The following CRACDL variants were observed in gnomAD, a reference collection of about 807,000 sequenced individuals.
CRACDL encodes the protein CRACD like.
A neutral mutation model predicts 70.6 loss-of-function variants in CRACDL; 26 were observed. That is an observed-to-expected ratio of 0.37 (90% CI 0.27 to 0.51). The LOEUF (loss-of-function observed/expected upper bound fraction) is 0.51. Among genes scored for constraint, CRACDL ranks in the 20% least tolerant of loss-of-function variants. CRACDL has a pLI of 0.94. For missense variants in CRACDL, 1,283 were observed against 1,376.9 expected (o/e 0.93, Z 1.08); for synonymous variants, 618 against 615.2 (o/e 1.00, Z -0.07).
At chr2:98,911,730 T>C (rs1450416290) in intron 1 of CRACDL, among the ~76,000 whole-genome samples, 1 of 152,048 alleles carries the variant, frequency 6.6e-6, no homozygotes, top group Non-Finnish European at 1.5e-5. Context: ...GCAGAAACCA[T>C]CTGGCTTAGC....
At position 98,901,569 on chromosome 2, in the gene CRACDL, T is replaced by G. The variant is rs370466803; in HGVS notation, c.-11+34369A>C. Among the ~76,000 whole-genome samples the G allele has an allele frequency of 2.2e-4, 33 of 152,332 alleles. No homozygotes were observed. In the South Asian group the frequency reaches 6.8e-3, roughly 32 times the overall value. ...AGCCCACAGGGCACCTTATCCTGGA[T>G]GTGTGACGGGATCTCACACAAAAAT... is the stretch of plus-strand genomic sequence containing the variant. On this transcript the variant is annotated intron_variant, in intron 1 of 9. Coordinates refer to ENST00000397899, the MANE Select transcript of CRACDL (RefSeq NM_207362.3).
rs137954636 is a variant in CRACDL, at chr2:98,892,988, G to C, written c.-11+42950C>G. On this transcript the variant is annotated intron_variant, in intron 1 of 9. Coordinates refer to ENST00000397899, the MANE Select transcript of CRACDL (RefSeq NM_207362.3). The stretch of plus-strand genomic sequence containing the variant: ...CCTGGGCCTGGCCTCTCCACCGCCA[G>C]CTCACAAATCCCTGGCCGGCTCCCG... 4.5e-3 allele frequency among the ~76,000 whole-genome samples: 685 copies of C among 152,286 alleles called. 2 individuals carry two copies. In the Middle Eastern group the frequency reaches 0.078, roughly 17 times the overall value.
chr2:98,828,072 A>T (rs1368870450), intron 5 of CRACDL, among the ~76,000 whole-genome samples: 1 of 152,236 alleles, frequency 6.6e-6, no homozygotes, highest in Non-Finnish European at 1.5e-5. Flanking sequence ...AGCAAATGGC[A>T]AACATGTCAC....
chr2:98,892,420 G>A (rs55816258), intron 1 of CRACDL, among the ~76,000 whole-genome samples: 1 of 152,026 alleles, frequency 6.6e-6, no homozygotes, highest in South Asian at 2.1e-4. Flanking sequence ...GCCAGGCGTA[G>A]TGGCTCACAC....
chr2:98,831,200 G>A (rs1040926561), intron 5 of CRACDL, among the ~76,000 whole-genome samples: 2 of 152,108 alleles, frequency 1.3e-5, no homozygotes, highest in African/African-American at 4.8e-5. Flanking sequence ...GGACAGCTTC[G>A]CCCCAGAGCA....
At chr2:98,875,629 G>T (rs1035479175) in intron 1 of CRACDL, among the ~76,000 whole-genome samples, 1 of 152,216 alleles carries the variant, frequency 6.6e-6, no homozygotes, top group Non-Finnish European at 1.5e-5. Flanking sequence ...CCGCACTCAG[G>T]ATCCTTGTGG....
At chr2:98,897,973 C>T (rs1002165167) in intron 1 of CRACDL, among the ~76,000 whole-genome samples, 2 of 152,230 alleles carry the variant, frequency 1.3e-5, no homozygotes, top group East Asian at 3.8e-4. Context: ...CTGATGCTCC[C>T]CAAGCTTTCG....
intron 7 of CRACDL, among the ~76,000 whole-genome samples, chr2:98,810,598 A>T (rs961554111): frequency 3.3e-5 from 5 of 152,156 alleles, no homozygotes; most frequent in African/African-American, 9.7e-5. Flanking sequence ...GGCATTTTTC[A>T]TCCATCAGAC....
intron 7 of CRACDL, among the ~76,000 whole-genome samples, chr2:98,817,910 A>T (rs892050703): frequency 4.0e-5 from 6 of 150,098 alleles, no homozygotes; most frequent in Non-Finnish European, 8.8e-5. Context: ...ATGACTTTGT[A>T]AAAAAAATAA....
At chr2:98,912,487 G>T (rs532224686) in intron 1 of CRACDL, among the ~76,000 whole-genome samples, 1 of 152,220 alleles carries the variant, frequency 6.6e-6, no homozygotes, top group African/African-American at 2.4e-5. Context: ...CACCAGCTGC[G>T]GCTTTGCAAG....
chr2:98,815,684 T>C (rs533601511), intron 7 of CRACDL, among the ~76,000 whole-genome samples: 68 of 152,132 alleles, frequency 4.5e-4, no homozygotes, highest in Non-Finnish European at 7.5e-4. Flanking sequence ...AGGTACTCAC[T>C]TGGAGTGCTC....
At chr2:98,893,080 A>C (rs1022022534) in intron 1 of CRACDL, among the ~76,000 whole-genome samples, 1 of 152,134 alleles carries the variant, frequency 6.6e-6, no homozygotes, top group African/African-American at 2.4e-5. Context: ...GGCCCTTCCC[A>C]GGTGCCCTCA....
At chr2:98,859,923 A>C (rs1266416409) in intron 1 of CRACDL, among the ~76,000 whole-genome samples, 1 of 152,236 alleles carries the variant, frequency 6.6e-6, no homozygotes, top group East Asian at 1.9e-4. Context: ...GGATCCATTA[A>C]AACACTATTA....
chr2:98,802,019 G>T (rs979177697), intron 7 of CRACDL, among the ~76,000 whole-genome samples: 39 of 152,366 alleles, frequency 2.6e-4, no homozygotes, highest in African/African-American at 8.9e-4. Flanking sequence ...GCAATGGGTT[G>T]CACCCCAGCC....
At chr2:98,869,290 G>T in intron 1 of CRACDL, 1 of 1,218,150 alleles carries the variant, frequency 8.2e-7, no homozygotes, top group Non-Finnish European at 1.1e-6. Flanking sequence ...CCAGGAGGAA[G>T]TGGGGCTTCT....
At chr2:98,798,963 C>T (rs967150674) in intron 7 of CRACDL, among the ~76,000 whole-genome samples, 6 of 152,154 alleles carry the variant, frequency 3.9e-5, no homozygotes, top group African/African-American at 9.7e-5. Context: ...CAATTACAGG[C>T]GTGAGCCACC....
At chr2:98,835,225 T>C (rs969477345) in intron 3 of CRACDL, among the ~76,000 whole-genome samples, 14 of 152,248 alleles carry the variant, frequency 9.2e-5, no homozygotes, top group Non-Finnish European at 1.9e-4. Context: ...ATTTTTCTCT[T>C]GAAAAATAAA....
At chr2:98,827,448 C>A (rs1204214302) in intron 5 of CRACDL, among the ~76,000 whole-genome samples, 24 of 152,156 alleles carry the variant, frequency 1.6e-4, no homozygotes, top group Non-Finnish European at 2.2e-4. Flanking sequence ...CCTGCCACCA[C>A]ACCCAGCTAA....
At chr2:98,895,360 C>T (rs188845428) in intron 1 of CRACDL, among the ~76,000 whole-genome samples, 8 of 152,208 alleles carry the variant, frequency 5.3e-5, no homozygotes, top group African/African-American at 7.2e-5. Context: ...GCAGGAAGGA[C>T]GGACGCTCAG....
Sources: gnomAD v4.1 joint callset for allele counts (sites outside exome capture counted in the v4.1 genomes callset) on GRCh38, gnomAD v4.1.1 for gene constraint, MANE v1.5 for transcripts, NCBI Gene and HGNC (gene_info 2026-07-23, HGNC 2026-07-21) for gene names.